LRBA: variants seen among roughly 807,000 people sequenced by gnomAD.
The protein encoded by LRBA is lipopolysaccharide-responsive and beige-like anchor protein.
In LRBA, 176 loss-of-function variants were observed where a neutral mutation model predicts 330.0. That is an observed-to-expected ratio of 0.53 (90% CI 0.47 to 0.60). The LOEUF is 0.60. Among genes scored for constraint, LRBA ranks in the 20% least tolerant of loss-of-function variants. The pLI is 0.00. For synonymous variants in LRBA, 1,230 were observed against 1,193.0 expected (o/e 1.03, Z -0.64); for missense variants, 3,259 against 3,444.8 (o/e 0.95, Z 1.35).
chr4:150,825,069 A>T (rs942095808), intron 30 of LRBA, among the ~76,000 whole-genome samples: 1 of 152,178 alleles, frequency 6.6e-6, no homozygotes, highest in Non-Finnish European at 1.5e-5. Context: ...CAGACAAAAA[A>T]AAAAAATTCA....
chr4:150,501,840 A>T (rs1760321573), intron 40 of LRBA, among the ~76,000 whole-genome samples: 1 of 152,246 alleles, frequency 6.6e-6, no homozygotes, highest in Non-Finnish European at 1.5e-5. Flanking sequence ...TGTTTTCAAA[A>T]TATTAAATAT....
intron 44 of LRBA, among the ~76,000 whole-genome samples, chr4:150,454,324 T>C (rs1753781511): frequency 6.6e-6 from 1 of 152,134 alleles, no homozygotes; most frequent in South Asian, 2.1e-4. Flanking sequence ...TTAGTGAAAC[T>C]GCTGAACAAG....
chr4:150,559,877 ATATATAATTATATATAATT>A lies in LRBA; in HGVS notation c.6330+28152_6330+28170del, dbSNP rs1274824364. Among the ~76,000 whole-genome samples the A allele has an allele frequency of 1.4e-3, 27 of 18,912 alleles. 1 individual carries two copies. The highest frequency in any genetic ancestry group is 0.067 in the Middle Eastern group (2 of 30). 12.4% of individuals were successfully genotyped at this position (18,912 alleles called of 152,430 possible). A position where few individuals can be genotyped will look rare whatever the true frequency, so the allele number is the denominator to read the frequency against. On this transcript the variant is annotated intron_variant, in intron 40 of 56. Coordinates refer to ENST00000651943, the MANE Select transcript of LRBA (RefSeq NM_001364905.1). ...ATATAATTATATATAATATATAATT[ATATATAATTATATATAATT>A]ATATATAATTATATATAATATATAA...
intron 34 of LRBA, among the ~76,000 whole-genome samples, chr4:150,773,664 T>C (rs184341017): frequency 5.9e-5 from 9 of 152,256 alleles, no homozygotes; most frequent in South Asian, 2.1e-4. Context: ...GGCAGTTCAG[T>C]GGCTTCCACC....
At chr4:150,670,999 G>GGT (rs1561497148) in intron 37 of LRBA, among the ~76,000 whole-genome samples, 3 of 67,720 alleles carry the variant, frequency 4.4e-5, no homozygotes, top group Admixed American at 1.6e-4. Flanking sequence ...CAACATAGCT[G>GGT]ATGTGTGTGT....
Position 150,916,385 on chromosome 4 carries a change from C to T in LRBA, c.894+16G>A, listed in dbSNP as rs1561001834. ...ATAGCTTGTTAACATAACTATGACT[C>T]AAGAAGATCATGTACCTTTTGTGGC... is the stretch of plus-strand genomic sequence containing the variant. On this transcript the variant is annotated intron_variant, in intron 7 of 56. Coordinates refer to ENST00000651943, the MANE Select transcript of LRBA (RefSeq NM_001364905.1). The T allele has an allele frequency of 6.2e-7, 1 of 1,610,358 alleles. No individual in the cohort carries two copies. The highest frequency in any genetic ancestry group is 1.3e-5 in the African/African-American group (1 of 74,864).
At chr4:150,341,712 A>C (rs569798662) in intron 48 of LRBA, among the ~76,000 whole-genome samples, 2 of 150,942 alleles carry the variant, frequency 1.3e-5, no homozygotes, top group African/African-American at 4.8e-5. Context: ...CATATATATA[A>C]TATATATATA....
intron 55 of LRBA, among the ~76,000 whole-genome samples, chr4:150,279,873 A>ACTT (rs1447538459): frequency 1.3e-5 from 2 of 152,222 alleles, no homozygotes; most frequent in African/African-American, 4.8e-5. Context: ...TATTTGCTAC[A>ACTT]CTTATAAAAT....
chr4:150,514,831 A>C (rs1762174527), intron 40 of LRBA, among the ~76,000 whole-genome samples: 1 of 152,198 alleles, frequency 6.6e-6, no homozygotes, highest in Non-Finnish European at 1.5e-5. Context: ...TGATTTAATG[A>C]ATCATCTGCT....
At chr4:150,326,969 G>A (rs143159096) in intron 48 of LRBA, among the ~76,000 whole-genome samples, 1 of 152,136 alleles carries the variant, frequency 6.6e-6, no homozygotes, top group Non-Finnish European at 1.5e-5. Flanking sequence ...TTTTCTGATA[G>A]AGTGAAATTA....
rs369645746 is a variant in LRBA at position 150,774,622 on chromosome 4, T to C, written c.5581-12775A>G. ...TAAGGATAATTGCCTCATTGAGAAA[T>C]CCATGTAGCTTGTGGCTTTTGTGAT... On this transcript the variant is annotated intron_variant, in intron 34 of 56. Transcript: ENST00000651943. 1.6e-4 allele frequency among the ~76,000 whole-genome samples: 25 copies of C among 152,294 alleles called. No individual in the cohort carries two copies. In the South Asian group the frequency reaches 3.1e-3, roughly 19 times the overall value.
chr4:150,650,266 T>TA (rs963806390), intron 37 of LRBA, among the ~76,000 whole-genome samples: 1 of 152,190 alleles, frequency 6.6e-6, no homozygotes, highest in African/African-American at 2.4e-5. Flanking sequence ...CTTTTTGCTT[T>TA]ATTAATATTA....
At chr4:150,865,747 C>T (rs1286902163) in intron 22 of LRBA, among the ~76,000 whole-genome samples, 1 of 145,836 alleles carries the variant, frequency 6.9e-6, no homozygotes, top group Non-Finnish European at 1.5e-5. Context: ...GATGGAGTCT[C>T]ACTGTCTCAC....
intron 40 of LRBA, among the ~76,000 whole-genome samples, chr4:150,548,276 T>C (rs1766091008): frequency 6.6e-6 from 1 of 152,194 alleles, no homozygotes; most frequent in Non-Finnish European, 1.5e-5. Context: ...TGTTAGGCTG[T>C]AGTACTTTTG....
At chr4:150,726,979 CA>C (rs35524884) in intron 36 of LRBA, among the ~76,000 whole-genome samples, 119 of 107,122 alleles carry the variant, frequency 1.1e-3, no homozygotes, top group African/African-American at 3.1e-3. Flanking sequence ...ATCTCACGGA[CA>C]AAAAAAAAAA....
intron 37 of LRBA, among the ~76,000 whole-genome samples, chr4:150,629,200 C>T (rs1777139273): frequency 6.6e-6 from 1 of 152,168 alleles, no homozygotes; most frequent in African/African-American, 2.4e-5. Flanking sequence ...CTGCATCCAG[C>T]CTCAAAATGT....
At chr4:150,791,017 A>G (rs1257283755) in intron 34 of LRBA, among the ~76,000 whole-genome samples, 2 of 152,250 alleles carry the variant, frequency 1.3e-5, no homozygotes, top group Admixed American at 1.3e-4. Flanking sequence ...GATAAGTTAC[A>G]AACACATCAA....
intron 40 of LRBA, among the ~76,000 whole-genome samples, chr4:150,559,874 ATT>A (rs1768021639): frequency 5.4e-5 from 1 of 18,410 alleles, no homozygotes; most frequent in Non-Finnish European, 1.2e-4. Flanking sequence ...ATAATATATA[ATT>A]ATATATAATT....
chr4:150,424,646 CACAG>C (rs1418888510), intron 46 of LRBA, among the ~76,000 whole-genome samples: 5 of 152,156 alleles, frequency 3.3e-5, no homozygotes, highest in African/African-American at 9.7e-5. Flanking sequence ...CACACACACA[CACAG>C]AGTCAGATGG....
Sources: allele counts gnomAD v4.1 joint callset (sites outside exome capture counted in the v4.1 genomes callset), GRCh38; gene constraint gnomAD v4.1.1; transcripts MANE v1.5; gene names NCBI Gene and HGNC (gene_info 2026-07-23, HGNC 2026-07-21).